Variants in CAST observed in about 807,000 individuals in gnomAD.
CAST encodes the protein calpastatin.
Under a neutral mutation model 119.6 loss-of-function variants are expected in CAST, and 76 were observed. The ratio of observed to expected loss-of-function variants is 0.64; its 90% CI spans 0.53 to 0.77. The LOEUF is 0.77. Ranked by LOEUF, CAST falls within the 30% of genes least tolerant of loss-of-function variation. CAST has a pLI of 0.00. For synonymous variants in CAST, 319 were observed against 331.6 expected, an observed-to-expected ratio of 0.96 and a Z score of 0.41; for missense variants, 953 against 946.5, an observed-to-expected ratio of 1.01 and a Z score of -0.09.
At chr5:96,581,533 C>CTTTAATGAAATAAACTGAGAA (rs1197377641) in intron 1 of CAST, among the ~76,000 whole-genome samples, 1 of 152,272 alleles carries the variant, frequency 6.6e-6, no homozygotes, top group African/African-American at 2.4e-5. Flanking sequence ...CAGGAGTCTT[C>CTTTAATGAAATAAACTGAGAA]TTTAATGAAA....
At chr5:96,243,068 C>T in the CAST span, among the ~76,000 whole-genome samples, 41 of 152,134 alleles carry the variant, frequency 2.7e-4, no homozygotes, top group Non-Finnish European at 1.0e-4. Context: ...GGCTGCATTC[C>T]TTATATTTCT....
the CAST span, among the ~76,000 whole-genome samples, chr5:95,976,102 A>C: frequency 2.0e-5 from 3 of 151,902 alleles, no homozygotes; most frequent in Non-Finnish European, 4.4e-5. Flanking sequence ...TCAGGCTGGC[A>C]CTTATGACTT....
the CAST span, among the ~76,000 whole-genome samples, chr5:96,123,013 AG>A: frequency 3.5e-3 from 531 of 152,278 alleles, 2 homozygotes; most frequent in African/African-American, 4.5e-3. Flanking sequence ...CACAATGTTC[AG>A]GATGTAGTAG....
chr5:96,484,849 T>G, the CAST span, among the ~76,000 whole-genome samples: 1 of 152,148 alleles, frequency 6.6e-6, no homozygotes, highest in African/African-American at 2.4e-5. Context: ...TCTCCTCCCC[T>G]ACTCTGTACT....
the CAST span, among the ~76,000 whole-genome samples, chr5:96,447,906 A>G: frequency 6.6e-6 from 1 of 152,162 alleles, no homozygotes. Context: ...TGGAAAACAT[A>G]AAACAAGAAG....
chr5:96,366,906 G>T, the CAST span, among the ~76,000 whole-genome samples: 2 of 152,200 alleles, frequency 1.3e-5, no homozygotes, highest in East Asian at 3.8e-4. Flanking sequence ...GAGGCGCTCT[G>T]ATTTTTAGAA....
chr5:96,684,612 G>A (rs1751836011), intron 2 of CAST, among the ~76,000 whole-genome samples: 2 of 151,708 alleles, frequency 1.3e-5, no homozygotes, highest in Admixed American at 1.3e-4. Flanking sequence ...GCCCAGGCTG[G>A]AGTGCAGTGG....
chr5:96,382,292 A>G, the CAST span, among the ~76,000 whole-genome samples: 2 of 152,146 alleles, frequency 1.3e-5, no homozygotes, highest in Admixed American at 6.5e-5. Flanking sequence ...TGCGACCTTG[A>G]TCAGGTGAAT....
the CAST span, among the ~76,000 whole-genome samples, chr5:96,259,375 G>A: frequency 6.6e-6 from 1 of 152,216 alleles, no homozygotes; most frequent in African/African-American, 2.4e-5. Context: ...GAGGTTTCAA[G>A]GGGACTTGCT....
At chr5:96,085,237 AT>A in the CAST span, among the ~76,000 whole-genome samples, 1 of 152,222 alleles carries the variant, frequency 6.6e-6, no homozygotes, top group Non-Finnish European at 1.5e-5. Flanking sequence ...TTAAAAAAAA[AT>A]AAAACTTATT....
At chr5:96,539,750 C>T (rs1477689255) in intron 1 of CAST, among the ~76,000 whole-genome samples, 1 of 152,160 alleles carries the variant, frequency 6.6e-6, no homozygotes, top group East Asian at 1.9e-4. Context: ...ATCGATTTCT[C>T]ATGGACAGCA....
At chr5:96,209,994 T>G in the CAST span, 4 of 151,902 alleles carry the variant, frequency 2.6e-5, no homozygotes, top group African/African-American at 9.7e-5. Context: ...ATTTATGTAA[T>G]CCCATAATTC....
the CAST span, among the ~76,000 whole-genome samples, chr5:96,061,356 T>C: frequency 4.6e-5 from 7 of 152,136 alleles, no homozygotes; most frequent in East Asian, 1.3e-3. Context: ...TAAATTCTAG[T>C]GATCCCAGCA....
At chr5:96,446,819 A>C in the CAST span, among the ~76,000 whole-genome samples, 1 of 152,194 alleles carries the variant, frequency 6.6e-6, no homozygotes, top group Admixed American at 6.5e-5. Flanking sequence ...CTGGGCTAGA[A>C]AAAAAGAGTT....
At chr5:96,501,866 A>G in the CAST span, among the ~76,000 whole-genome samples, 1 of 152,240 alleles carries the variant, frequency 6.6e-6, no homozygotes, top group African/African-American at 2.4e-5. Context: ...ACAATTGTCT[A>G]CAGTATTCAG....
the CAST span, among the ~76,000 whole-genome samples, chr5:96,302,545 C>G: frequency 6.6e-6 from 1 of 152,104 alleles, no homozygotes; most frequent in Non-Finnish European, 1.5e-5. Context: ...CAGGTCATTT[C>G]TTTGTTTATG....
the CAST span, among the ~76,000 whole-genome samples, chr5:96,264,103 T>C: frequency 6.6e-6 from 1 of 152,218 alleles, no homozygotes; most frequent in Non-Finnish European, 1.5e-5. Flanking sequence ...TATCACTAAA[T>C]ACGTGTCAGA....
chr5:96,603,419 C>CT (rs1235903758), intron 1 of CAST, among the ~76,000 whole-genome samples: 6 of 152,092 alleles, frequency 3.9e-5, no homozygotes, highest in South Asian at 2.1e-4. Context: ...CTTTTAAAAG[C>CT]TTTTTTGTTA....
intron 2 of CAST, among the ~76,000 whole-genome samples, chr5:96,681,888 C>CAAT (rs1278551250): frequency 1.3e-5 from 2 of 152,110 alleles, no homozygotes; most frequent in Admixed American, 1.3e-4. Flanking sequence ...CCTACATATG[C>CAAT]AATAGTTCCT....
Sources: allele counts gnomAD v4.1 joint callset (sites outside exome capture counted in the v4.1 genomes callset), GRCh38; gene constraint gnomAD v4.1.1; transcripts MANE v1.5; gene names NCBI Gene and HGNC (gene_info 2026-07-23, HGNC 2026-07-21).